TAFA4: variants seen among roughly 807,000 people sequenced by gnomAD.
TAFA4 encodes the protein chemokine-like protein TAFA-4.
In TAFA4, 20 loss-of-function variants were observed where a neutral mutation model predicts 21.1. The observed-to-expected ratio is 0.95, with a 90% confidence interval of 0.67 to 1.38. The LOEUF is 1.38. TAFA4 is among the 40% of genes most tolerant of loss of function. The pLI, the probability that TAFA4 is intolerant of heterozygous loss-of-function variation, is 0.00. For synonymous variants in TAFA4, 71 were observed against 67.4 expected, an observed-to-expected ratio of 1.05 and a Z score of -0.26; for missense variants, 211 against 180.9, an observed-to-expected ratio of 1.17 and a Z score of -0.95.
chr3:68,855,547 T>C (rs548299370), intron 3 of TAFA4, among the ~76,000 whole-genome samples: 19 of 152,156 alleles, frequency 1.2e-4, no homozygotes, highest in Admixed American at 8.5e-4. Flanking sequence ...CTGAAAAGAA[T>C]GAAACTGATA....
At chr3:68,854,121 T>C (rs1705013348) in intron 3 of TAFA4, among the ~76,000 whole-genome samples, 1 of 152,090 alleles carries the variant, frequency 6.6e-6, no homozygotes. Context: ...GGAGAGTGAC[T>C]TGGTGGAAGA....
At chr3:68,832,788 C>A (rs1355313385) in intron 3 of TAFA4, among the ~76,000 whole-genome samples, 4 of 152,238 alleles carry the variant, frequency 2.6e-5, no homozygotes, top group Admixed American at 2.6e-4. Context: ...GCCCTGCCTC[C>A]AGAGGCGGAA....
intron 3 of TAFA4, among the ~76,000 whole-genome samples, chr3:68,821,969 A>T (rs554911960): frequency 6.6e-6 from 1 of 152,298 alleles, no homozygotes; most frequent in South Asian, 2.1e-4. Context: ...GCCTGTAGAA[A>T]ATCTCTACCG....
intron 3 of TAFA4, among the ~76,000 whole-genome samples, chr3:68,764,642 A>G (rs529489979): frequency 3.2e-4 from 49 of 152,260 alleles, no homozygotes; most frequent in African/African-American, 1.1e-3. Flanking sequence ...GGGAAATATC[A>G]TGACTCTCAT....
intron 1 of TAFA4, among the ~76,000 whole-genome samples, chr3:68,900,576 C>G (rs1175933564): frequency 6.6e-6 from 1 of 152,058 alleles, no homozygotes; most frequent in African/African-American, 2.4e-5. Context: ...AAATTTTAGT[C>G]TTTTCTTCTT....
chr3:68,757,176 A>C (rs764593039), intron 3 of TAFA4, among the ~76,000 whole-genome samples: 20 of 151,984 alleles, frequency 1.3e-4, no homozygotes, highest in Non-Finnish European at 2.8e-4. Flanking sequence ...GTCCAAACTT[A>C]AGATGTCAGC....
At chr3:68,821,343 T>TGTGAATTATATGAGTTC (rs1462185233) in intron 3 of TAFA4, among the ~76,000 whole-genome samples, 9 of 12,074 alleles carry the variant, frequency 7.5e-4, no homozygotes, top group African/African-American at 9.2e-4. Flanking sequence ...TTTTTTTTTT[T>TGTGAATTATATGAGTTC]TTTTTTTTTT....
chr3:68,776,474 G>T (rs1209853119), intron 3 of TAFA4, among the ~76,000 whole-genome samples: 1 of 152,122 alleles, frequency 6.6e-6, no homozygotes, highest in African/African-American at 2.4e-5. Flanking sequence ...GATATAGAAA[G>T]CCTGAAAGTG....
At chr3:68,765,031 G>T (rs1293294332) in intron 3 of TAFA4, among the ~76,000 whole-genome samples, 2 of 152,018 alleles carry the variant, frequency 1.3e-5, no homozygotes, top group Non-Finnish European at 2.9e-5. Flanking sequence ...CAGTGAAATT[G>T]CTTGGGTTCA....
intron 1 of TAFA4, among the ~76,000 whole-genome samples, chr3:68,891,322 A>T (rs187322110): frequency 6.6e-6 from 1 of 152,232 alleles, no homozygotes; most frequent in Non-Finnish European, 1.5e-5. Context: ...TCTGCTTAAT[A>T]ACAAACAAAT....
intron 4 of TAFA4, among the ~76,000 whole-genome samples, chr3:68,746,885 G>C (rs1702468679): frequency 6.6e-6 from 1 of 152,158 alleles, no homozygotes; most frequent in Non-Finnish European, 1.5e-5. Context: ...ATTGACATTT[G>C]GACCTTGTTA....
intron 3 of TAFA4, among the ~76,000 whole-genome samples, chr3:68,874,761 G>A (rs564640384): frequency 3.3e-4 from 50 of 150,712 alleles, no homozygotes; most frequent in Non-Finnish European, 5.5e-4. Context: ...CTTTACTCCC[G>A]TCAGTAATAC....
chr3:68,755,195 C>T (rs1702638533), intron 3 of TAFA4, among the ~76,000 whole-genome samples: 1 of 152,166 alleles, frequency 6.6e-6, no homozygotes, highest in Non-Finnish European at 1.5e-5. Context: ...CACCTGAATT[C>T]CATCATCCTG....
At chr3:68,931,947 C>T (rs2107043864) in intron 1 of TAFA4, among the ~76,000 whole-genome samples, 1 of 152,330 alleles carries the variant, frequency 6.6e-6, no homozygotes, top group Non-Finnish European at 1.5e-5. Context: ...CAGAGCACCC[C>T]CGGGGATTCT....
chr3:68,750,470 A>T (rs1252607673), intron 4 of TAFA4, among the ~76,000 whole-genome samples: 1 of 152,220 alleles, frequency 6.6e-6, no homozygotes, highest in Non-Finnish European at 1.5e-5. Flanking sequence ...ATGTGATAGC[A>T]TTTGTGTAAA....
chr3:68,791,562 TAGGAAGCTAATGCAGCAG>T (rs892797141), intron 3 of TAFA4, among the ~76,000 whole-genome samples: 10 of 152,336 alleles, frequency 6.6e-5, no homozygotes, highest in African/African-American at 2.2e-4. Context: ...ATGGCATCCT[TAGGAAGCTAATGCAGCAG>T]AGGACTATAT....
At chr3:68,815,969 G>A (rs926842195) in intron 3 of TAFA4, among the ~76,000 whole-genome samples, 1 of 152,172 alleles carries the variant, frequency 6.6e-6, no homozygotes, top group Non-Finnish European at 1.5e-5. Flanking sequence ...TATACACCAT[G>A]GGACACTATG....
At chr3:68,783,713 A>AAAGAAAGAAGGAAAGAAAG (rs1553641278) in intron 3 of TAFA4, among the ~76,000 whole-genome samples, 1 of 80,756 alleles carries the variant, frequency 1.2e-5, no homozygotes, top group Non-Finnish European at 2.4e-5. Flanking sequence ...GAGAGAAAGA[A>AAAGAAAGAAGGAAAGAAAG]AAAGAAAGAA....
At chr3:68,740,567 G>C (rs532677590) in intron 4 of TAFA4, among the ~76,000 whole-genome samples, 2 of 152,052 alleles carry the variant, frequency 1.3e-5, no homozygotes, top group Non-Finnish European at 2.9e-5. Context: ...TGAGCAGGTA[G>C]GTTTCTTTTA....
Sources: gnomAD v4.1 joint callset for allele counts (sites outside exome capture counted in the v4.1 genomes callset) on GRCh38, gnomAD v4.1.1 for gene constraint, MANE v1.5 for transcripts, NCBI Gene and HGNC (gene_info 2026-07-23, HGNC 2026-07-21) for gene names.